EEF2K: variants seen among roughly 807,000 people sequenced by gnomAD.
EEF2K encodes eukaryotic elongation factor 2 kinase.
EEF2K carries 70 observed loss-of-function variants against 93.8 expected under a neutral mutation model. That is an observed-to-expected ratio of 0.75 (90% CI 0.62 to 0.91). EEF2K has a LOEUF of 0.91. EEF2K is among the 40% of genes least tolerant of loss of function. The pLI is 0.00. For synonymous variants in EEF2K, 376 were observed against 380.8 expected, an observed-to-expected ratio of 0.99 and a Z score of 0.15; for missense variants, 935 against 972.9, an observed-to-expected ratio of 0.96 and a Z score of 0.52.
At chr16:22,248,644 T>G in intron 3 of EEF2K, 111 bp from the exon 4 acceptor site, 5 of 1,276,444 alleles carry the variant, frequency 3.9e-6, no homozygotes, top group East Asian at 2.5e-5. Flanking sequence ...AGGTGGAGAG[T>G]GGGTTGGTTC....
rs757889253 is a variant in EEF2K at position 22,258,555 on chromosome 16, C to A, written c.1091C>A (p.Thr364Asn). Residue 364 changes from threonine (T) to asparagine (N), a missense_variant, in exon 10 of 18, where the codon ACC (threonine) becomes AAC (asparagine). Physicochemically the swap from Thr to Asn is moderately conservative, Grantham distance 65 (BLOSUM62 0). Transcript: ENST00000263026. The stretch of plus-strand genomic sequence containing the variant: ...AAATGTGGGAGCCCCCAAGTAAGGA[C>A]CCTCTCTGGGAGCCGGCCACCCCTG... ...EEKCGSPQVR[T>N]LSGSRPPLLR... 10 of 1,613,982 alleles carry A rather than the reference C, an allele frequency of 6.2e-6. No individual in the cohort carries two copies. The Middle Eastern group carries it at 4.9e-4, about 80-fold the overall frequency.
At chr16:22,208,733 CTATT>C (rs1198914486) in intron 1 of EEF2K, among the ~76,000 whole-genome samples, 1 of 135,258 alleles carries the variant, frequency 7.4e-6, no homozygotes, top group Non-Finnish European at 1.6e-5. Flanking sequence ...AACCCGGTCT[CTATT>C]TAAAAAAAAA....
At chr16:22,245,035 G>A (rs1761729480) in intron 3 of EEF2K, among the ~76,000 whole-genome samples, 1 of 152,094 alleles carries the variant, frequency 6.6e-6, no homozygotes, top group African/African-American at 2.4e-5. Context: ...GCTGAGGTGG[G>A]CAGATCACTT....
At position 22,251,196 on chromosome 16, in the gene EEF2K, C is replaced by T. The variant is rs765929243; in HGVS notation, c.492C>T (p.Ala164=). The T allele has an allele frequency of 5.0e-6, 8 of 1,613,982 alleles. No individual in the cohort carries two copies. The highest frequency in any genetic ancestry group is 5.9e-6 in the Non-Finnish European group (7 of 1,180,018). Residue 164 remains alanine (A), a synonymous_variant, in exon 6 of 18, where the codon GCC becomes GCT. Transcript: ENST00000263026. ...NFLHAQQWKG[A]SNYVAKRYIE... ...TGCATGCCCAGCAGTGGAAGGGCGC[C>T]TCCAACTACGTGGCGAAGCGCTACA...
chr16:22,241,253 A>G (rs1255349888), intron 2 of EEF2K, among the ~76,000 whole-genome samples: 1 of 152,168 alleles, frequency 6.6e-6, no homozygotes, highest in Non-Finnish European at 1.5e-5. Context: ...GGAATCAGAA[A>G]AAAAAATTGA....
intron 4 of EEF2K, among the ~76,000 whole-genome samples, chr16:22,249,373 A>T (rs921602994): frequency 1.3e-5 from 2 of 152,138 alleles, no homozygotes; most frequent in African/African-American, 4.8e-5. Context: ...GCTTTATGAA[A>T]CTTTGTTTTA....
intron 1 of EEF2K, among the ~76,000 whole-genome samples, chr16:22,224,002 T>C (rs1049352025): frequency 6.8e-6 from 1 of 147,970 alleles, no homozygotes; most frequent in African/African-American, 2.5e-5. Flanking sequence ...AGGTCAGGAG[T>C]CCAAGACTAG....
intron 2 of EEF2K, among the ~76,000 whole-genome samples, chr16:22,239,492 T>C (rs1423627581): frequency 6.6e-6 from 1 of 152,142 alleles, no homozygotes; most frequent in Non-Finnish European, 1.5e-5. Flanking sequence ...GCAGCCGGAA[T>C]ATGAGCTGAG....
chr16:22,245,128 C>T (rs777949765), intron 3 of EEF2K, among the ~76,000 whole-genome samples: 13 of 151,940 alleles, frequency 8.6e-5, no homozygotes, highest in South Asian at 2.1e-4. Context: ...CATAGCCAAG[C>T]GTGGTGGCTG....
chr16:22,245,364 A>G (rs923754333), intron 3 of EEF2K, among the ~76,000 whole-genome samples: 16 of 152,180 alleles, frequency 1.1e-4, no homozygotes, highest in African/African-American at 3.9e-4. Flanking sequence ...ACGCACTTCA[A>G]ACCCATGTCA....
rs1301132078 is a variant in EEF2K, at chr16:22,286,431, T to C, written c.*2435T>C. ...GTTCCCTGATCACTCGTTTAAGTTC[T>C]TAGTTGTATGTCATCTCTTCTCTAG... On this transcript the variant is annotated 3_prime_UTR_variant, in exon 18 of 18. Transcript: ENST00000263026. 6.6e-6 allele frequency: 1 copy of C among 152,208 alleles called. No homozygotes were observed. The highest frequency in any genetic ancestry group is 1.9e-4 in the East Asian group (1 of 5,196). The allele number at this position is 152,208 out of a possible 1,614,324, so 9.4% of individuals were successfully genotyped here. A position where few individuals can be genotyped will look rare whatever the true frequency, so the allele number is the denominator to read the frequency against.
rs1166033089 is a variant in EEF2K at position 22,287,424 on chromosome 16, A to C, written c.*3428A>C. 1 of 152,218 alleles carries C rather than the reference A, an allele frequency of 6.6e-6. No homozygotes were observed. Among genetic ancestry groups the C allele is most frequent in the African/African-American group, 2.4e-5 (1 of 41,454 alleles). 9.4% of individuals were successfully genotyped at this position (152,218 alleles called of 1,614,324 possible). ...ATCAGAGACCATCTTCAAGTGCAAGAAGCAGGTGAAAGCCCAGGAAATTGG... is the reference window on the plus strand; with the variant it reads ...ATCAGAGACCATCTTCAAGTGCAAGCAGCAGGTGAAAGCCCAGGAAATTGG... On this transcript the variant is annotated 3_prime_UTR_variant, in exon 18 of 18. Coordinates refer to ENST00000263026, the MANE Select transcript of EEF2K (RefSeq NM_013302.5).
At chr16:22,261,751 T>C (rs528652648) in intron 11 of EEF2K, among the ~76,000 whole-genome samples, 1 of 151,104 alleles carries the variant, frequency 6.6e-6, no homozygotes, top group South Asian at 2.1e-4. Flanking sequence ...ACACCTGTAA[T>C]CCCAGCACTA....
rs923674958 is a variant in EEF2K at position 22,226,286 on chromosome 16, T to TCTC, written c.246+315_246+317dup. Among the ~76,000 whole-genome samples the TCTC allele has an allele frequency of 4.0e-5, 6 of 151,530 alleles. No individual in the cohort carries two copies. The East Asian group carries it at 1.2e-3, about 29-fold the overall frequency. On this transcript the variant is annotated intron_variant, in intron 2 of 17. Transcript: ENST00000263026. Reference sequence around the variant, plus strand: ...TTTTAGCTTTCTTTAGAGACAGAGTTCTCCTCTGTCACCCAGGCTGGAGTG... The same window carrying TCTC: ...TTTTAGCTTTCTTTAGAGACAGAGTTCTCCTCCTCTGTCACCCAGGCTGGAGTG...
intron 3 of EEF2K, among the ~76,000 whole-genome samples, chr16:22,248,166 G>T (rs2047314111): frequency 6.6e-6 from 1 of 152,108 alleles, no homozygotes; most frequent in African/African-American, 2.4e-5. Flanking sequence ...CCGGGTTCAA[G>T]CGATTCTCCT....
intron 16 of EEF2K, among the ~76,000 whole-genome samples, 184 bp downstream of exon 16, chr16:22,273,934 T>C (rs970957523): frequency 7.2e-5 from 11 of 152,216 alleles, no homozygotes; most frequent in Non-Finnish European, 1.2e-4. Flanking sequence ...GGAGTAATTA[T>C]AGCACCTGTA....
intron 10 of EEF2K, among the ~76,000 whole-genome samples, 154 bp from the exon 11 acceptor site, chr16:22,260,308 C>A (rs574993798): frequency 2.4e-4 from 37 of 151,764 alleles, no homozygotes; most frequent in South Asian, 8.3e-4. Flanking sequence ...CCTCCAGGTG[C>A]TGATAACATT....
rs79468223 is a variant in EEF2K, at chr16:22,286,694, C to G, written c.*2698C>G. ...TGCTCTAACCCTTGACTGAGAGCTA[C>G]TTTATTAAGCCCTGAGGGCAGGAGC... On this transcript the variant is annotated 3_prime_UTR_variant, in exon 18 of 18. Transcript: ENST00000263026. 6.6e-6 allele frequency: 1 copy of G among 152,182 alleles called. No homozygotes were observed. Among genetic ancestry groups the G allele is most frequent in the Non-Finnish European group, 1.5e-5 (1 of 68,038 alleles). The allele number at this position is 152,182 out of a possible 1,614,324, so 9.4% of individuals were successfully genotyped here.
chr16:22,283,735 G>A (rs769334375), intron 17 of EEF2K, 152 bp from the exon 18 acceptor site: 9 of 709,976 alleles, frequency 1.3e-5, no homozygotes, highest in South Asian at 1.3e-4. Context: ...TTAGAGCCCC[G>A]CCCGGAACAC....
Sources: gnomAD v4.1 joint callset for allele counts (sites outside exome capture counted in the v4.1 genomes callset) on GRCh38, gnomAD v4.1.1 for gene constraint, MANE v1.5 for transcripts, NCBI Gene and HGNC (gene_info 2026-07-23, HGNC 2026-07-21) for gene names.